The following PRICKLE1 variants were observed in gnomAD, a reference collection of about 807,000 sequenced individuals.
The protein encoded by PRICKLE1 is prickle planar cell polarity protein 1.
In PRICKLE1, 14 loss-of-function variants were observed where a neutral mutation model predicts 70.2. The observed-to-expected ratio is 0.20, with a 90% CI of 0.13 to 0.31. The LOEUF (loss-of-function observed/expected upper bound fraction) is 0.31. Ranked by LOEUF, PRICKLE1 falls within the 10% of genes least tolerant of loss-of-function variation. The probability of loss-of-function intolerance (pLI) is 1.00; values close to 1 mark genes in which losing one functional copy is unlikely to be tolerated. For synonymous variants in PRICKLE1, 357 were observed against 379.9 expected, an observed-to-expected ratio of 0.94 and a Z score of 0.70; for missense variants, 821 against 1,026.2, an observed-to-expected ratio of 0.80 and a Z score of 2.73.
intron 1 of PRICKLE1, among the ~76,000 whole-genome samples, chr12:42,562,969 G>A (rs1211476678): frequency 6.6e-6 from 1 of 151,548 alleles, no homozygotes; most frequent in South Asian, 2.1e-4. Context: ...GCGGGCCTGA[G>A]GTCAGGAGTT....
chr12:42,505,933 G>C (rs1015670705), intron 1 of PRICKLE1, among the ~76,000 whole-genome samples: 2 of 152,160 alleles, frequency 1.3e-5, no homozygotes, highest in Non-Finnish European at 2.9e-5. Flanking sequence ...TTTGTACCTA[G>C]GTGTAGGAAC....
At chr12:42,488,076 G>A (rs192909888) in intron 1 of PRICKLE1, among the ~76,000 whole-genome samples, 2 of 151,994 alleles carry the variant, frequency 1.3e-5, no homozygotes, top group Admixed American at 6.6e-5. Context: ...TAAACATCTC[G>A]ATATAGAAAC....
At position 42,468,722 on chromosome 12, in the gene PRICKLE1, C is replaced by T; in HGVS notation, c.492G>A (p.Leu164=). 6.2e-7 allele frequency: 1 copy of T among 1,614,172 alleles called. No homozygotes were observed. Among genetic ancestry groups the T allele is most frequent in the Non-Finnish European group, 8.5e-7 (1 of 1,180,034 alleles). Residue 164 remains leucine, a synonymous_variant, in exon 5 of 8, where the codon CTG becomes CTA. Transcript: ENST00000345127. ...GATAAAAATAGATGAGGTCGACCAG[C>T]AGCTCATTACACGTGAAACAGACAA... ...SCFVCFTCNE[L]LVDLIYFYQD... is the part of the protein sequence containing the mutation.
intron 1 of PRICKLE1, among the ~76,000 whole-genome samples, chr12:42,585,414 A>G (rs1375498760): frequency 6.6e-6 from 1 of 152,160 alleles, no homozygotes; most frequent in East Asian, 1.9e-4. Flanking sequence ...TTTAGTCTAA[A>G]CAAGTGCATA....
chr12:42,489,952 A>G (rs1054730105), intron 1 of PRICKLE1: 1 of 152,164 alleles, frequency 6.6e-6, no homozygotes, highest in Non-Finnish European at 1.5e-5. Flanking sequence ...GTTGAAGGGC[A>G]CCACTGTTCG....
chr12:42,459,136 G>C lies in PRICKLE1; in HGVS notation c.*673C>G, dbSNP rs1937690783. Reference sequence around the variant, plus strand: ...CGTAACAAACGGCTTACAATTCAGGGATATAAAAATATCAGCTTTAAAATC... The same window carrying C: ...CGTAACAAACGGCTTACAATTCAGGCATATAAAAATATCAGCTTTAAAATC... On this transcript the variant is annotated 3_prime_UTR_variant, in exon 8 of 8. Transcript: ENST00000345127. The C allele has an allele frequency of 1.8e-6, 1 of 544,992 alleles. No homozygotes were observed. The highest frequency in any genetic ancestry group is 3.3e-6 in the Non-Finnish European group (1 of 305,486). 33.8% of individuals were successfully genotyped at this position (544,992 alleles called of 1,614,324 possible).
At chr12:42,564,245 ACT>A (rs1448117152) in intron 1 of PRICKLE1, among the ~76,000 whole-genome samples, 15 of 97,726 alleles carry the variant, frequency 1.5e-4, no homozygotes, top group African/African-American at 5.7e-4. Flanking sequence ...ACAGAGGGAG[ACT>A]CTGTCTAAAA....
intron 1 of PRICKLE1, among the ~76,000 whole-genome samples, chr12:42,488,978 C>T (rs1344539682): frequency 6.8e-6 from 1 of 146,278 alleles, no homozygotes; most frequent in Non-Finnish European, 1.5e-5. Flanking sequence ...GGCTGCAGTG[C>T]AATGGCACAA....
intron 1 of PRICKLE1, among the ~76,000 whole-genome samples, chr12:42,530,303 T>G (rs1939887981): frequency 6.6e-6 from 1 of 152,172 alleles, no homozygotes; most frequent in Non-Finnish European, 1.5e-5. Context: ...CTTCTTCCAC[T>G]GGCAGACAAT....
In PRICKLE1 at chr12:42,497,372, T is replaced by C. The variant is rs371890408; in HGVS notation, c.-48-24808A>G. ...CATCCTGGCTAACACGGTGAAACCC[T>C]GTCTCTACTAAAAATACAAAAACAA... On this transcript the variant is annotated intron_variant, in intron 1 of 7. Transcript: ENST00000345127. 1.8e-3 allele frequency among the ~76,000 whole-genome samples: 267 copies of C among 151,876 alleles called. 3 individuals carry two copies. Among genetic ancestry groups the C allele is most frequent in the Admixed American group, 4.0e-3 (61 of 15,246 alleles).
At chr12:42,504,520 T>C (rs991211512) in intron 1 of PRICKLE1, among the ~76,000 whole-genome samples, 4 of 152,224 alleles carry the variant, frequency 2.6e-5, no homozygotes, top group Non-Finnish European at 5.9e-5. Flanking sequence ...CTACTGTTGA[T>C]GTAAAATGAG....
At chr12:42,525,274 T>C (rs535366317) in intron 1 of PRICKLE1, among the ~76,000 whole-genome samples, 1 of 152,338 alleles carries the variant, frequency 6.6e-6, no homozygotes, top group Admixed American at 6.5e-5. Flanking sequence ...CCTTGCCCTG[T>C]GCATCTCTTC....
intron 1 of PRICKLE1, among the ~76,000 whole-genome samples, chr12:42,574,571 G>A (rs1467066949): frequency 6.6e-6 from 1 of 152,174 alleles, no homozygotes; most frequent in Non-Finnish European, 1.5e-5. Context: ...TGATTGCTCA[G>A]TGAACAACTA....
At chr12:42,581,711 C>A (rs1001386554) in intron 1 of PRICKLE1, among the ~76,000 whole-genome samples, 1 of 150,324 alleles carries the variant, frequency 6.7e-6, no homozygotes, top group Non-Finnish European at 1.5e-5. Context: ...CATGCCACTG[C>A]ACTCCAGCCT....
chr12:42,583,358 T>A (rs1940935077), intron 1 of PRICKLE1, among the ~76,000 whole-genome samples: 1 of 152,170 alleles, frequency 6.6e-6, no homozygotes, highest in South Asian at 2.1e-4. Flanking sequence ...ATAAACCTCA[T>A]TTTACCTCTA....
At chr12:42,583,027 T>C (rs1940929562) in intron 1 of PRICKLE1, among the ~76,000 whole-genome samples, 1 of 150,254 alleles carries the variant, frequency 6.7e-6, no homozygotes, top group Admixed American at 6.6e-5. Flanking sequence ...TAACAAGTTA[T>C]GTGTTTCTTC....
intron 1 of PRICKLE1, among the ~76,000 whole-genome samples, chr12:42,535,899 G>A (rs1236817015): frequency 6.6e-6 from 1 of 152,202 alleles, no homozygotes; most frequent in African/African-American, 2.4e-5. Flanking sequence ...CTAGGTGTAG[G>A]AATATGATAA....
chr12:42,557,447 G>A (rs759034282), intron 1 of PRICKLE1, among the ~76,000 whole-genome samples: 2 of 152,120 alleles, frequency 1.3e-5, no homozygotes, highest in Non-Finnish European at 2.9e-5. Flanking sequence ...CTCAATTTGT[G>A]TACAAGAGCA....
intron 1 of PRICKLE1, among the ~76,000 whole-genome samples, chr12:42,566,176 C>A (rs974621656): frequency 6.6e-6 from 1 of 151,962 alleles, no homozygotes; most frequent in Non-Finnish European, 1.5e-5. Context: ...AGGCCAGAAG[C>A]CTGGATTTAG....
Sources: allele counts gnomAD v4.1 joint callset (sites outside exome capture counted in the v4.1 genomes callset), GRCh38; gene constraint gnomAD v4.1.1; transcripts MANE v1.5; gene names NCBI Gene and HGNC (gene_info 2026-07-23, HGNC 2026-07-21).